The following AP3B1 variants were observed in gnomAD, a reference collection of about 807,000 sequenced individuals.
AP3B1 encodes adaptor related protein complex 3 subunit beta 1, also known as AP-3 complex subunit beta-1.
Under a neutral mutation model 132.5 loss-of-function variants are expected in AP3B1, and 61 were observed. The observed-to-expected ratio is 0.46, with a 90% CI of 0.37 to 0.57. The LOEUF (loss-of-function observed/expected upper bound fraction) is 0.57. Ranked by LOEUF, AP3B1 falls within the 20% of genes least tolerant of loss-of-function variation. The probability of loss-of-function intolerance (pLI) is 0.00; values close to 1 mark genes in which losing one functional copy is unlikely to be tolerated. For synonymous variants in AP3B1, 388 were observed against 438.3 expected (o/e 0.89, Z 1.43); for missense variants, 1,120 against 1,289.4 (o/e 0.87, Z 2.01).
At chr5:78,044,726 C>G (rs1325540798) in intron 22 of AP3B1, among the ~76,000 whole-genome samples, 1 of 152,160 alleles carries the variant, frequency 6.6e-6, no homozygotes, top group African/African-American at 2.4e-5. Context: ...CAAGCCTTGG[C>G]AGACTCACTG....
chr5:78,060,007 G>A (rs1027820709), intron 22 of AP3B1, among the ~76,000 whole-genome samples: 21 of 152,096 alleles, frequency 1.4e-4, no homozygotes, highest in Non-Finnish European at 2.1e-4. Context: ...ACAAAAACAT[G>A]AGGGGGTCTG....
chr5:78,110,554 A>G (rs1249723548), intron 19 of AP3B1, among the ~76,000 whole-genome samples, 200 bp from the exon 20 acceptor site: 1 of 152,156 alleles, frequency 6.6e-6, no homozygotes, highest in African/African-American at 2.4e-5. Flanking sequence ...ATAAAATGAC[A>G]CTAAACAATA....
intron 22 of AP3B1, among the ~76,000 whole-genome samples, chr5:78,080,564 T>C (rs987640255): frequency 1.3e-5 from 2 of 151,534 alleles, no homozygotes; most frequent in African/African-American, 4.8e-5. Flanking sequence ...GAATACATTA[T>C]TCAACTAGAG....
intron 2 of AP3B1, among the ~76,000 whole-genome samples, chr5:78,251,826 G>C (rs894657259): frequency 6.6e-6 from 1 of 152,198 alleles, no homozygotes; most frequent in Non-Finnish European, 1.5e-5. Flanking sequence ...GAGGGAGCAC[G>C]CAACATACTG....
chr5:78,069,392 C>A (rs979111314), intron 22 of AP3B1, among the ~76,000 whole-genome samples: 1 of 152,188 alleles, frequency 6.6e-6, no homozygotes, highest in African/African-American at 2.4e-5. Context: ...TGATAACCAA[C>A]TTTAGCAAAG....
intron 20 of AP3B1, chr5:78,101,288 T>C (rs1242904642): frequency 2.1e-6 from 1 of 469,756 alleles, no homozygotes; most frequent in African/African-American, 2.0e-5. Context: ...GGTATGTAAT[T>C]ATTCTACAAT....
intron 25 of AP3B1, among the ~76,000 whole-genome samples, chr5:78,018,492 A>G (rs559232985): frequency 2.1e-4 from 32 of 152,156 alleles, no homozygotes; most frequent in African/African-American, 6.7e-4. Flanking sequence ...TCAGTTACGT[A>G]TATCTTTAGA....
At chr5:78,096,561 G>A (rs1397428540) in intron 21 of AP3B1, among the ~76,000 whole-genome samples, 1 of 151,888 alleles carries the variant, frequency 6.6e-6, no homozygotes, top group African/African-American at 2.4e-5. Flanking sequence ...CATCTAGGAA[G>A]TGAGGAGCGT....
At chr5:78,096,696 A>G (rs1750808886) in intron 21 of AP3B1, among the ~76,000 whole-genome samples, 2 of 147,338 alleles carry the variant, frequency 1.4e-5, no homozygotes, top group South Asian at 2.2e-4. Context: ...GTCTCTGCCC[A>G]GCCGCCCCAT....
At chr5:78,271,086 C>CA (rs1748528025) in intron 1 of AP3B1, among the ~76,000 whole-genome samples, 1 of 152,096 alleles carries the variant, frequency 6.6e-6, no homozygotes, top group Admixed American at 6.5e-5. Flanking sequence ...TGAATAGAAA[C>CA]AAAAAACTCC....
intron 7 of AP3B1, among the ~76,000 whole-genome samples, chr5:78,185,310 AT>A (rs1215874242): frequency 6.6e-6 from 1 of 152,248 alleles, no homozygotes; most frequent in East Asian, 1.9e-4. Flanking sequence ...ATGAGTACAT[AT>A]AATAGTTTTT....
At chr5:78,265,364 G>C (rs955467653) in intron 2 of AP3B1, among the ~76,000 whole-genome samples, 1 of 151,974 alleles carries the variant, frequency 6.6e-6, no homozygotes, top group Non-Finnish European at 1.5e-5. Flanking sequence ...GATCGCTTGG[G>C]CTCAGGAGTT....
intron 7 of AP3B1, among the ~76,000 whole-genome samples, chr5:78,200,494 C>CTTT (rs1328757123): frequency 1.3e-5 from 2 of 151,962 alleles, no homozygotes; most frequent in Non-Finnish European, 2.9e-5. Context: ...CCCATCTCTA[C>CTTT]TAAAAAGACA....
intron 1 of AP3B1, among the ~76,000 whole-genome samples, chr5:78,289,539 CAT>C: frequency 6.6e-6 from 1 of 152,306 alleles, no homozygotes; most frequent in South Asian, 2.1e-4. Context: ...GGAGGTACTG[CAT>C]TGCTAAGTTA....
intron 2 of AP3B1, 133 bp downstream of exon 2, chr5:78,267,387 A>G (rs544502422): frequency 8.2e-5 from 32 of 392,060 alleles, no homozygotes; most frequent in African/African-American, 5.7e-4. Flanking sequence ...TTTGGACAGG[A>G]AATTCTAAGT....
intron 22 of AP3B1, among the ~76,000 whole-genome samples, chr5:78,076,063 T>C (rs1389307126): frequency 2.6e-5 from 4 of 152,154 alleles, no homozygotes; most frequent in Non-Finnish European, 5.9e-5. Context: ...GGAAAAAAGG[T>C]GGAAATGTGG....
At chr5:78,152,528 C>A (rs1753718098) in intron 14 of AP3B1, among the ~76,000 whole-genome samples, 1 of 152,082 alleles carries the variant, frequency 6.6e-6, no homozygotes, top group African/African-American at 2.4e-5. Context: ...TATAATATCT[C>A]CTTTTTCATC....
At chr5:78,207,344 T>C (rs901919218) in intron 7 of AP3B1, among the ~76,000 whole-genome samples, 2 of 151,784 alleles carry the variant, frequency 1.3e-5, no homozygotes, top group African/African-American at 2.4e-5. Flanking sequence ...GGAAAATCAC[T>C]TGAGCCTGGA....
At chr5:78,178,321 C>T (rs1486139009) in intron 8 of AP3B1, among the ~76,000 whole-genome samples, 1 of 152,056 alleles carries the variant, frequency 6.6e-6, no homozygotes, top group African/African-American at 2.4e-5. Flanking sequence ...GGTTCAAAGC[C>T]ATTATAAGGG....
Sources: allele counts gnomAD v4.1 joint callset (sites outside exome capture counted in the v4.1 genomes callset), GRCh38; gene constraint gnomAD v4.1.1; transcripts MANE v1.5; gene names NCBI Gene and HGNC (gene_info 2026-07-23, HGNC 2026-07-21).